The following TET3 variants were observed in gnomAD, a reference collection of about 807,000 sequenced individuals.
TET3 encodes the protein methylcytosine dioxygenase TET3.
TET3 carries 19 observed loss-of-function variants against 141.4 expected under a neutral mutation model. The observed-to-expected ratio is 0.13, with a 90% CI of 0.09 to 0.20. The LOEUF is 0.20. TET3 is among the 10% of genes least tolerant of loss of function. The pLI is 1.00. For missense variants in TET3, 1,874 were observed against 2,356.9 expected (o/e 0.80, Z 4.24); for synonymous variants, 1,043 against 980.9 (o/e 1.06, Z -1.18).
intron 7 of TET3, among the ~76,000 whole-genome samples, chr2:74,089,655 C>A (rs1403365518): frequency 6.6e-6 from 1 of 152,240 alleles, no homozygotes; most frequent in Admixed American, 6.5e-5. Context: ...GTGCTACTCC[C>A]AGCAACAGAC....
Position 74,046,886 on chromosome 2 carries a change from C to T in TET3, c.969C>T (p.Leu323=). The change falls in exon 4 of 12, where the codon CTC becomes CTT. Residue 323 remains leucine, a synonymous_variant. Coordinates refer to ENST00000409262, the MANE Select transcript of TET3 (RefSeq NM_001287491.2). This position sits in a 1 kb window ranked among gnomAD's most constrained non-coding sequence, Gnocchi z 4.3. ...AGLPAPSTRP[L]LSSEVPQISP... is the part of the protein sequence containing the mutation. The stretch of plus-strand genomic sequence containing the variant: ...TCCCAGCACCAAGCACCAGGCCACT[C>T]CTCAGCTCAGAGGTGCCCCAGATCT... The T allele has an allele frequency of 6.2e-7, 1 of 1,613,714 alleles. No individual in the cohort carries two copies.
intron 10 of TET3, among the ~76,000 whole-genome samples, chr2:74,097,325 A>G (rs1690911367): frequency 6.6e-6 from 1 of 152,148 alleles, no homozygotes; most frequent in African/African-American, 2.4e-5. Flanking sequence ...GTGATAAAGA[A>G]ATTATAACTT....
chr2:74,135,347 G>A, the TET3 span: 1 of 628,078 alleles, frequency 1.6e-6, no homozygotes, highest in Admixed American at 2.7e-5. Context: ...GGACAGAACT[G>A]TCTAAAGACA....
chr2:74,087,908 G>A lies in TET3; in HGVS notation c.2758G>A (p.Val920Met). Residue 920 changes from valine to methionine, a missense_variant, in exon 7 of 12, where the codon GTG becomes ATG. By Grantham distance (21) the Val-to-Met change is conservative. This residue lies in a region of TET3 where 126 missense variants were observed against 327.4 expected (regional missense o/e 0.38). Coordinates refer to ENST00000409262, the MANE Select transcript of TET3 (RefSeq NM_001287491.2). The surrounding 1 kb of genome is among the most constrained non-coding windows in gnomAD (Gnocchi z 4.3). ...HRAGHHCQNA[V>M]IVILILAWEG... is the part of the protein sequence containing the mutation. ...GGCAGGCCACCACTGCCAGAACGCT[G>A]TGATCGTCATCCTCATCCTGGCCTG... The A allele has an allele frequency of 6.4e-7, 1 of 1,552,064 alleles. No homozygotes were observed.
Position 74,100,754 on chromosome 2 carries a change from C to G in TET3, c.3966C>G (p.His1322Gln), listed in dbSNP as rs768193705. 6.2e-7 allele frequency: 1 copy of G among 1,613,710 alleles called. No individual in the cohort carries two copies. ...SGSFEKKPDLHALHNSLSPAY... is the reference protein window; with the variant it reads ...SGSFEKKPDLQALHNSLSPAY... ...GTTTTGAGAAGAAGCCAGACCTCCA[C>G]GCTCTGCACAACAGCCTGAGCCCGG... The change falls in exon 12 of 12, where the codon CAC becomes CAG. Residue 1322 changes from histidine to glutamine, a missense_variant. By Grantham distance (24) the His-to-Gln change is conservative (BLOSUM62 0). Around this residue, in one of 10 missense-constraint regions of TET3, gnomAD observed 602 missense variants for 590.2 expected, o/e 1.02. Coordinates refer to ENST00000409262, the MANE Select transcript of TET3 (RefSeq NM_001287491.2).
chr2:74,057,273 GTC>G (rs1016600133), intron 4 of TET3, among the ~76,000 whole-genome samples: 2 of 152,162 alleles, frequency 1.3e-5, no homozygotes, highest in African/African-American at 4.8e-5. Context: ...TCCTAAGAGT[GTC>G]TCTCCACATC....
chr2:74,008,725 C>A (rs528223279), intron 3 of TET3, among the ~76,000 whole-genome samples: 83 of 151,752 alleles, frequency 5.5e-4, no homozygotes, highest in Middle Eastern at 3.4e-3. Flanking sequence ...TAACTTTCTT[C>A]TATTCTGGCT....
At chr2:74,129,771 C>G in the TET3 span, among the ~76,000 whole-genome samples, 9 of 152,012 alleles carry the variant, frequency 5.9e-5, no homozygotes, top group Admixed American at 4.6e-4. Flanking sequence ...TCTGTTGTTA[C>G]ACTCACACTG....
chr2:74,079,999 T>C (rs1258508197), intron 5 of TET3, among the ~76,000 whole-genome samples: 2 of 152,122 alleles, frequency 1.3e-5, no homozygotes, highest in African/African-American at 4.8e-5. Flanking sequence ...CGTTTGGGCT[T>C]AGTAGAGCCA....
At chr2:74,015,267 A>G (rs1366972620) in intron 3 of TET3, among the ~76,000 whole-genome samples, 2 of 152,220 alleles carry the variant, frequency 1.3e-5, no homozygotes, top group African/African-American at 4.8e-5. Context: ...CAAGAAACCA[A>G]TGGTAGCGGA....
downstream of TET3, among the ~76,000 whole-genome samples, chr2:74,109,912 T>G (rs7563611): frequency 0.025 from 3,867 of 152,274 alleles, 185 homozygotes; most frequent in African/African-American, 0.088. Context: ...GCTTGTGGCT[T>G]GGAAAGAACA....
the TET3 span, among the ~76,000 whole-genome samples, chr2:74,119,140 G>A: frequency 6.6e-6 from 1 of 152,140 alleles, no homozygotes; most frequent in African/African-American, 2.4e-5. Context: ...ATCACTTGAG[G>A]TCAGGAGTTT....
At chr2:74,117,540 C>G in the TET3 span, among the ~76,000 whole-genome samples, 1 of 152,022 alleles carries the variant, frequency 6.6e-6, no homozygotes, top group South Asian at 2.1e-4. Context: ...GATTACAGAC[C>G]TTTTGATCCT....
At chr2:74,088,788 A>G (rs896172180) in intron 7 of TET3, among the ~76,000 whole-genome samples, 55 of 151,880 alleles carry the variant, frequency 3.6e-4, no homozygotes, top group African/African-American at 1.3e-3. Context: ...CACAATTAAG[A>G]TATGCAACAG....
chr2:74,074,101 G>T (rs922909130), intron 5 of TET3, among the ~76,000 whole-genome samples: 2 of 152,120 alleles, frequency 1.3e-5, no homozygotes, highest in South Asian at 4.1e-4. Flanking sequence ...GGAATATAAT[G>T]TCTCACTCCT....
chr2:73,991,924 G>A (rs1462565923), intron 2 of TET3, among the ~76,000 whole-genome samples: 5 of 152,106 alleles, frequency 3.3e-5, no homozygotes, highest in South Asian at 2.1e-4. Flanking sequence ...TGGCTGTATG[G>A]GCTGTTCTCT....
intron 3 of TET3, among the ~76,000 whole-genome samples, chr2:74,028,511 C>T (rs907389066): frequency 2.0e-5 from 3 of 152,144 alleles, no homozygotes; most frequent in African/African-American, 7.2e-5. Flanking sequence ...GGCAGGGGTT[C>T]ACATGCTGTT....
In TET3 at chr2:74,107,737, TAAC is replaced by T. The variant is rs1419794358; in HGVS notation, c.*5565_*5567del. 6.6e-6 allele frequency: 1 copy of T among 152,218 alleles called. No individual in the cohort carries two copies. The highest frequency in any genetic ancestry group is 2.4e-5 in the African/African-American group (1 of 41,464). The allele number at this position is 152,218 out of a possible 1,614,324, so 9.4% of individuals were successfully genotyped here. A position where few individuals can be genotyped will look rare whatever the true frequency, so the allele number is the denominator to read the frequency against. ...ACTTGGCTTCCAATGGAGGTGAACT[TAAC>T]AACCATACTTGAATATTCCGTCTTG... is the stretch of plus-strand genomic sequence containing the variant. On this transcript the variant is annotated 3_prime_UTR_variant, in exon 12 of 12. Transcript: ENST00000409262.
chr2:74,019,550 A>G (rs1685917966), intron 3 of TET3, among the ~76,000 whole-genome samples: 1 of 152,100 alleles, frequency 6.6e-6, no homozygotes, highest in Admixed American at 6.5e-5. Context: ...TGGGGTGCTC[A>G]TCTCACTCCA....
Sources: allele counts gnomAD v4.1 joint callset (sites outside exome capture counted in the v4.1 genomes callset), GRCh38; gene constraint gnomAD v4.1.1; regional missense constraint gnomAD v4.1.1; non-coding constraint Gnocchi (gnomAD v3.1); transcripts MANE v1.5; gene names NCBI Gene and HGNC (gene_info 2026-07-23, HGNC 2026-07-21).